CARD10: variants seen among roughly 807,000 people sequenced by gnomAD.
CARD10 encodes the protein caspase recruitment domain-containing protein 10.
CARD10 carries 49 observed loss-of-function variants against 114.6 expected under a neutral mutation model. The ratio of observed to expected loss-of-function variants is 0.43; its 90% CI spans 0.34 to 0.54. The LOEUF (loss-of-function observed/expected upper bound fraction) is 0.54. CARD10 is among the 20% of genes least tolerant of loss of function. The pLI is 0.03. For synonymous variants in CARD10, 602 were observed against 593.2 expected (o/e 1.01, Z -0.21); for missense variants, 1,206 against 1,397.2 (o/e 0.86, Z 2.18).
chr22:37,507,098 G>C (rs1238402258), intron 6 of CARD10, among the ~76,000 whole-genome samples: 1 of 152,192 alleles, frequency 6.6e-6, no homozygotes, highest in Non-Finnish European at 1.5e-5. Flanking sequence ...GGTCAATATA[G>C]TGAAACCCTG....
At chr22:37,498,452 G>A (rs1923087284) in intron 11 of CARD10, among the ~76,000 whole-genome samples, 1 of 152,242 alleles carries the variant, frequency 6.6e-6, no homozygotes. Context: ...ACCAAGGTCA[G>A]CAGGTGTGCT....
intron 15 of CARD10, 137 bp downstream of exon 15, chr22:37,495,380 T>G: frequency 4.4e-6 from 3 of 678,736 alleles, no homozygotes. Context: ...GCTGGGCACA[T>G]AGTAGATGAC....
chr22:37,518,111 A>G lies in CARD10; in HGVS notation c.236-3T>C. On this transcript the variant is annotated splice_polypyrimidine_tract_variant and splice_region_variant and intron_variant, in intron 1 of 19. Coordinates refer to ENST00000251973, the MANE Select transcript of CARD10 (RefSeq NM_014550.4). ...GCGCAAGATGTCCATCAGGCGCCCT[A>G]CAGAGTAGTGGGGGGATGTACCCAG... The G allele has an allele frequency of 6.2e-7, 1 of 1,613,446 alleles. No homozygotes were observed. Among genetic ancestry groups the G allele is most frequent in the Non-Finnish European group, 8.5e-7 (1 of 1,179,738 alleles).
intron 11 of CARD10, among the ~76,000 whole-genome samples, chr22:37,498,680 C>A (rs1028746695): frequency 6.6e-6 from 1 of 152,200 alleles, no homozygotes; most frequent in Non-Finnish European, 1.5e-5. Flanking sequence ...TCATTCAGTG[C>A]CGCATGTCCT....
rs149544125 is a variant in CARD10 at position 37,508,611 on chromosome 22, C to T, written c.981G>A (p.Glu327=). ...LLDILEHDWR[E]AQDSRQELCQ... ...ACAGCTCCTGCCTGCTGTCCTGCGC[C>T]TCCCGCCAGTCATGCTCTAGGATGT... is the stretch of plus-strand genomic sequence containing the variant. Residue 327 remains glutamate, a synonymous_variant, in exon 5 of 20, where the codon GAG becomes GAA. Transcript: ENST00000251973. The T allele has an allele frequency of 9.1e-4, 1,446 of 1,583,458 alleles. No individual in the cohort carries two copies. Among genetic ancestry groups the T allele is most frequent in the Admixed American group, 1.0e-3 (59 of 56,642 alleles).
chr22:37,502,630 G>GA lies in CARD10; in HGVS notation c.1758dup (p.Arg587SerfsTer131). The GA allele has an allele frequency of 6.2e-7, 1 of 1,613,896 alleles. No homozygotes were observed. Among genetic ancestry groups the GA allele is most frequent in the Non-Finnish European group, 8.5e-7 (1 of 1,179,962 alleles). On this transcript the variant is annotated frameshift_variant, in exon 11 of 20. Coordinates refer to ENST00000251973, the MANE Select transcript of CARD10 (RefSeq NM_014550.4). LOFTEE classifies it high-confidence loss of function. ...TTGAGGAAGTCCAGGCCACAGCCCCGAGCCAGGAGGCCTTCCGGCTTTCCC... is the reference window on the plus strand; with the variant it reads ...TTGAGGAAGTCCAGGCCACAGCCCCGAAGCCAGGAGGCCTTCCGGCTTTCCC...
intron 3 of CARD10, chr22:37,512,371 T>A (rs1923682206): frequency 6.6e-6 from 1 of 151,686 alleles, no homozygotes; most frequent in South Asian, 2.1e-4. Flanking sequence ...CAGTCAGGCA[T>A]GCAATATTTG....
Position 37,496,034 on chromosome 22 carries a change from G to A in CARD10, c.2060-31C>T, listed in dbSNP as rs1922992115. The stretch of plus-strand genomic sequence containing the variant: ...CATGGATGGGGCAGGGGGCAGCAAG[G>A]AGGACAAGAGGAGGATGGTGAGGTC... On this transcript the variant is annotated intron_variant, in intron 13 of 19. Transcript: ENST00000251973. The surrounding 1 kb of genome is among the most constrained non-coding windows in gnomAD (Gnocchi z 4.1). 1 of 1,608,152 alleles carries A rather than the reference G, an allele frequency of 6.2e-7. No individual in the cohort carries two copies. Among genetic ancestry groups the A allele is most frequent in the African/African-American group, 1.3e-5 (1 of 74,834 alleles).
At chr22:37,491,983 C>T (rs1278520852) in intron 18 of CARD10, 116 bp from the exon 19 acceptor site, 1 of 703,902 alleles carries the variant, frequency 1.4e-6, no homozygotes, top group African/African-American at 1.7e-5. Flanking sequence ...CCTGCCTCCC[C>T]ACCCAGAGGG....
chr22:37,495,373 G>T, intron 15 of CARD10, 144 bp downstream of exon 15: 1 of 658,388 alleles, frequency 1.5e-6, no homozygotes. Flanking sequence ...TCTGTTTGCT[G>T]GGCACATAGT....
At chr22:37,504,892 G>A in intron 7 of CARD10, 123 bp from the exon 8 acceptor site, 2 of 467,414 alleles carry the variant, frequency 4.3e-6, no homozygotes, top group Non-Finnish European at 7.4e-6. Flanking sequence ...GGAGCTCACA[G>A]CCTAGAATGG....
At chr22:37,512,824 C>T (rs376825971) in intron 3 of CARD10, among the ~76,000 whole-genome samples, 2 of 152,290 alleles carry the variant, frequency 1.3e-5, no homozygotes, top group East Asian at 3.9e-4. Context: ...CATTTAATCC[C>T]GGCGTACAAA....
chr22:37,506,497 G>A, intron 6 of CARD10, 114 bp from the exon 7 acceptor site: 1 of 685,580 alleles, frequency 1.5e-6, no homozygotes, highest in Non-Finnish European at 2.3e-6. Context: ...CACTTACTGA[G>A]CACTGTGTGC....
At chr22:37,502,900 G>A (rs185942451) in intron 10 of CARD10, among the ~76,000 whole-genome samples, 175 bp from the exon 11 acceptor site, 3 of 152,334 alleles carry the variant, frequency 2.0e-5, no homozygotes, top group Admixed American at 6.5e-5. Flanking sequence ...GGCTGACCCC[G>A]CAGTTTCCCA....
At position 37,497,499 on chromosome 22, in the gene CARD10, C is replaced by T. The variant is rs61338928; in HGVS notation, c.1788-321G>A. On this transcript the variant is annotated intron_variant, in intron 11 of 19. Transcript: ENST00000251973. The stretch of plus-strand genomic sequence containing the variant: ...CAGAACGAACACCTTCAGGACCAAA[C>T]TTCTATACTGTTCCGCTCTGTAGCC... Among the ~76,000 whole-genome samples, 1,078 of 152,306 alleles carry T rather than the reference C, an allele frequency of 7.1e-3. 16 individuals carry two copies. The highest frequency in any genetic ancestry group is 0.024 in the African/African-American group (997 of 41,562).
At position 37,494,249 on chromosome 22, in the gene CARD10, G is replaced by A. The variant is rs370861618; in HGVS notation, c.2374-61C>T. On this transcript the variant is annotated intron_variant, in intron 15 of 19. Coordinates refer to ENST00000251973, the MANE Select transcript of CARD10 (RefSeq NM_014550.4). ...CTCAGCCCCGCCCCCTCAGGGAGAG[G>A]AGGAAACGGGACCCCTGGCACAGCG... The A allele has an allele frequency of 2.5e-4, 291 of 1,165,962 alleles. 6 individuals carry two copies. In the East Asian group the frequency reaches 2.8e-3, roughly 11 times the overall value. 72.2% of individuals were successfully genotyped at this position (1,165,962 alleles called of 1,614,324 possible). A position where few individuals can be genotyped will look rare whatever the true frequency, so the allele number is the denominator to read the frequency against.
intron 11 of CARD10, 43 bp from the exon 12 acceptor site, chr22:37,497,221 A>G: frequency 1.3e-6 from 2 of 1,568,644 alleles, no homozygotes; most frequent in South Asian, 2.4e-5. Context: ...TCCAATCAGT[A>G]CTTGGATTCA....
In CARD10 at chr22:37,496,694, TG is replaced by T; in HGVS notation, c.1948-135del. Reference sequence around the variant, plus strand: ...GATAGCGCCCCCTCAGAAACTGCCATGCCCAGCCCAGTCAGACCCGTCCCCA... The same window carrying T: ...GATAGCGCCCCCTCAGAAACTGCCATCCCAGCCCAGTCAGACCCGTCCCCA... On this transcript the variant is annotated intron_variant, in intron 12 of 19. Transcript: ENST00000251973. This position sits in a 1 kb window ranked among gnomAD's most constrained non-coding sequence, Gnocchi z 4.1. 2 of 725,696 alleles carry T rather than the reference TG, an allele frequency of 2.8e-6. No individual in the cohort carries two copies. Among genetic ancestry groups the T allele is most frequent in the South Asian group, 3.1e-5 (2 of 63,698 alleles). The allele number at this position is 725,696 out of a possible 1,614,324, so 45.0% of individuals were successfully genotyped here.
chr22:37,516,113 G>A lies in CARD10; in HGVS notation c.559C>T (p.Arg187Trp), dbSNP rs772415402. 1.9e-5 allele frequency: 31 copies of A among 1,596,004 alleles called. No individual in the cohort carries two copies. The highest frequency in any genetic ancestry group is 3.5e-5 in the Admixed American group (2 of 57,676). Residue 187 changes from arginine to tryptophan, a missense_variant, in exon 3 of 20, where the codon CGG becomes TGG. By Grantham distance (101) the Arg-to-Trp change is moderately radical (BLOSUM62 -3). This residue lies in a region of CARD10 where 1,068 missense variants were observed against 1,179.1 expected (regional missense o/e 0.91). Transcript: ENST00000251973. Reference protein sequence around the residue: ...DQQQAQERCQRLREDWEAGSL... With the variant: ...DQQQAQERCQWLREDWEAGSL... ...CCCGCCTCCCAGTCCTCCCGCAGCC[G>A]TTGACAGCGCTCCTGAGCCTGCTGC...
Sources: allele counts gnomAD v4.1 joint callset (sites outside exome capture counted in the v4.1 genomes callset), GRCh38; gene constraint gnomAD v4.1.1; regional missense constraint gnomAD v4.1.1; non-coding constraint Gnocchi (gnomAD v3.1); transcripts MANE v1.5; gene names NCBI Gene and HGNC (gene_info 2026-07-23, HGNC 2026-07-21).